TESPA1: variants seen among roughly 807,000 people sequenced by gnomAD.
TESPA1 encodes thymocyte expressed, positive selection associated 1.
Under a neutral mutation model 57.9 loss-of-function variants are expected in TESPA1, and 33 were observed. The observed-to-expected ratio is 0.57, with a 90% confidence interval of 0.43 to 0.76. The LOEUF is 0.76. TESPA1 is among the 30% of genes least tolerant of loss of function. The probability of loss-of-function intolerance (pLI) is 0.00; values close to 1 mark genes in which losing one functional copy is unlikely to be tolerated. For synonymous variants in TESPA1, 227 were observed against 228.9 expected (o/e 0.99, Z 0.07); for missense variants, 618 against 632.9 (o/e 0.98, Z 0.25).
chr12:54,974,569 G>C lies in TESPA1; in HGVS notation c.-7C>G, dbSNP rs1338372013. On this transcript the variant is annotated 5_prime_UTR_variant, in exon 2 of 11. Transcript: ENST00000449076. ...TCAGCACAGAGGCCTCCATGGCCCT[G>C]GCTCAGACTTCAGGGCCTCCCGTAA... 6.4e-7 allele frequency: 1 copy of C among 1,563,424 alleles called. No homozygotes were observed. Among genetic ancestry groups the C allele is most frequent in the South Asian group, 1.2e-5 (1 of 84,212 alleles).
At chr12:54,951,540 GA>G (rs1950391356) in intron 10 of TESPA1, among the ~76,000 whole-genome samples, 2 of 151,946 alleles carry the variant, frequency 1.3e-5, no homozygotes, top group African/African-American at 2.4e-5. Flanking sequence ...CACCATCCTA[GA>G]AAAAAATTAT....
intron 1 of TESPA1, among the ~76,000 whole-genome samples, chr12:54,981,341 G>C (rs988339688): frequency 6.8e-6 from 1 of 147,850 alleles, no homozygotes; most frequent in African/African-American, 2.5e-5. Context: ...AATCAAGATG[G>C]TGAAAAAGAT....
chr12:54,967,370 T>C, intron 4 of TESPA1, 134 bp from the exon 5 acceptor site: 1 of 957,392 alleles, frequency 1.0e-6, no homozygotes, highest in South Asian at 1.5e-5. Flanking sequence ...TCATACTAGA[T>C]ACCCACGTTT....
In TESPA1 at chr12:54,961,215, G is replaced by A. The variant is rs1308038103; in HGVS notation, c.1520C>T (p.Pro507Leu). 1 of 1,613,996 alleles carries A rather than the reference G, an allele frequency of 6.2e-7. No homozygotes were observed. The highest frequency in any genetic ancestry group is 1.7e-5 in the Admixed American group (1 of 60,016). ...EQSQSRWPSR[P>L]RHPHHHQTFA... ...AGTCTGGTGGTGGTGGGGGTGCCTG[G>A]GTCTGCTGGGCCAGCGACTCTGACT... is the stretch of plus-strand genomic sequence containing the variant. Residue 507 changes from proline (P) to leucine (L), a missense_variant, in exon 10 of 11, where the codon CCC (proline) becomes CTC (leucine). By Grantham distance (98) the Pro-to-Leu change is moderately conservative (BLOSUM62 -3). This residue lies in a region of TESPA1 where 409 missense variants were observed against 420.1 expected (regional missense o/e 0.97). Coordinates refer to ENST00000449076, the MANE Select transcript of TESPA1 (RefSeq NM_001136030.3).
intron 1 of TESPA1, among the ~76,000 whole-genome samples, chr12:54,979,538 ATCTTTCAAGAGT>A (rs1171904014): frequency 6.6e-6 from 1 of 152,088 alleles, no homozygotes; most frequent in African/African-American, 2.4e-5. Flanking sequence ...CTTCTCCACA[ATCTTTCAAGAGT>A]TCTGGAATCT....
chr12:54,968,067 A>G (rs1195784284), intron 3 of TESPA1, 175 bp from the exon 4 acceptor site: 28 of 1,497,020 alleles, frequency 1.9e-5, no homozygotes, highest in Non-Finnish European at 1.8e-6. Context: ...AAAAATTCAT[A>G]GAAGTAGTTG....
chr12:54,966,190 C>G (rs767506119), intron 6 of TESPA1, 39 bp from the exon 7 acceptor site: 2 of 1,562,728 alleles, frequency 1.3e-6, no homozygotes, highest in Admixed American at 1.9e-5. Flanking sequence ...AATCTTGTTT[C>G]CAGTCTGCAC....
chr12:54,974,806 G>C (rs189348386), intron 1 of TESPA1, among the ~76,000 whole-genome samples, 199 bp from the exon 2 acceptor site: 28 of 152,222 alleles, frequency 1.8e-4, no homozygotes, highest in Middle Eastern at 3.4e-3. Context: ...TAAATACCGG[G>C]ATAAGTCTTT....
intron 10 of TESPA1, among the ~76,000 whole-genome samples, chr12:54,957,283 C>A (rs1288903035): frequency 6.6e-6 from 1 of 152,154 alleles, no homozygotes; most frequent in Non-Finnish European, 1.5e-5. Flanking sequence ...GCTACCACTT[C>A]CTATCCACTA....
At chr12:54,976,837 T>C (rs1428258317) in intron 1 of TESPA1, among the ~76,000 whole-genome samples, 1 of 152,170 alleles carries the variant, frequency 6.6e-6, no homozygotes, top group Non-Finnish European at 1.5e-5. Flanking sequence ...CTCCCACATC[T>C]TCAAAAATAT....
At chr12:54,973,800 G>C in intron 2 of TESPA1, 1 of 1,199,874 alleles carries the variant, frequency 8.3e-7, no homozygotes, top group Non-Finnish European at 1.0e-6. Context: ...TTTCCCACAA[G>C]GGTGGATCCT....
At chr12:54,955,966 C>A (rs1465841885) in intron 10 of TESPA1, among the ~76,000 whole-genome samples, 2 of 149,226 alleles carry the variant, frequency 1.3e-5, no homozygotes, top group Non-Finnish European at 3.0e-5. Flanking sequence ...AAAAATGTGT[C>A]CAGTATCATC....
chr12:54,983,146 T>C (rs1440929473), intron 1 of TESPA1, among the ~76,000 whole-genome samples: 2 of 152,156 alleles, frequency 1.3e-5, no homozygotes, highest in Admixed American at 1.3e-4. Context: ...AATCAAACAT[T>C]GAACTGAAAA....
Position 54,967,827 on chromosome 12 carries a change from C to T in TESPA1, c.256+16G>A. 1 of 1,613,394 alleles carries T rather than the reference C, an allele frequency of 6.2e-7. No homozygotes were observed. The highest frequency in any genetic ancestry group is 1.1e-5 in the South Asian group (1 of 91,010). On this transcript the variant is annotated intron_variant, in intron 4 of 10. Transcript: ENST00000449076. Reference sequence around the variant, plus strand: ...TCCAGGTAGAAGAAAAATAGATGGACAGAACCTATACTCACCATTGTAGAT... The same window carrying T: ...TCCAGGTAGAAGAAAAATAGATGGATAGAACCTATACTCACCATTGTAGAT...
Position 54,962,334 on chromosome 12 carries a change from G to A in TESPA1, c.1467+97C>T, listed in dbSNP as rs1174528789. 3 of 1,370,632 alleles carry A rather than the reference G, an allele frequency of 2.2e-6. No homozygotes were observed. In the African/African-American group the frequency reaches 4.4e-5, roughly 20 times the overall value. The allele number at this position is 1,370,632 out of a possible 1,614,324, so 84.9% of individuals were successfully genotyped here. Reference sequence around the variant, plus strand: ...TATATCTGGCTAGGACAGGAAGCCTGGATTATTTTTCCCCCAAGGGTTCTA... The same window carrying A: ...TATATCTGGCTAGGACAGGAAGCCTAGATTATTTTTCCCCCAAGGGTTCTA... On this transcript the variant is annotated intron_variant, in intron 9 of 10. Coordinates refer to ENST00000449076, the MANE Select transcript of TESPA1 (RefSeq NM_001136030.3).
chr12:54,959,332 G>A (rs542280751), intron 10 of TESPA1, among the ~76,000 whole-genome samples: 1 of 152,282 alleles, frequency 6.6e-6, no homozygotes, highest in South Asian at 2.1e-4. Flanking sequence ...TTAGGTTTTT[G>A]GTATCTAGTT....
At chr12:54,976,324 C>G (rs1445814552) in intron 1 of TESPA1, among the ~76,000 whole-genome samples, 1 of 152,122 alleles carries the variant, frequency 6.6e-6, no homozygotes, top group African/African-American at 2.4e-5. Flanking sequence ...GTCCTGTGAT[C>G]CAAAATATTT....
chr12:54,952,188 T>C (rs112935152), intron 10 of TESPA1, among the ~76,000 whole-genome samples: 1,894 of 152,330 alleles, frequency 0.012, 47 homozygotes, highest in African/African-American at 0.042. Flanking sequence ...TACCATGTGA[T>C]ATCCTCTGCC....
intron 3 of TESPA1, among the ~76,000 whole-genome samples, chr12:54,971,104 G>T (rs888418776): frequency 6.6e-6 from 1 of 152,236 alleles, no homozygotes; most frequent in Non-Finnish European, 1.5e-5. Context: ...AATTGCCTGA[G>T]ATGTTGGTGA....
Sources: allele counts gnomAD v4.1 joint callset (sites outside exome capture counted in the v4.1 genomes callset), GRCh38; gene constraint gnomAD v4.1.1; regional missense constraint gnomAD v4.1.1; transcripts MANE v1.5; gene names NCBI Gene and HGNC (gene_info 2026-07-23, HGNC 2026-07-21).